ZFAT: variants seen among roughly 807,000 people sequenced by gnomAD.
ZFAT encodes the protein zinc finger and AT-hook domain containing.
ZFAT carries 64 observed loss-of-function variants against 117.7 expected under a neutral mutation model. The observed-to-expected ratio is 0.54, with a 90% CI of 0.44 to 0.67. ZFAT has a LOEUF of 0.67. Among genes scored for constraint, ZFAT ranks in the 30% least tolerant of loss-of-function variants. The pLI is 0.00. For synonymous variants in ZFAT, 679 were observed against 615.0 expected, an observed-to-expected ratio of 1.10 and a Z score of -1.54; for missense variants, 1,433 against 1,584.5, an observed-to-expected ratio of 0.90 and a Z score of 1.62.
chr8:134,612,411 C>A (rs1328766557), intron 3 of ZFAT, among the ~76,000 whole-genome samples: 2 of 152,132 alleles, frequency 1.3e-5, no homozygotes, highest in South Asian at 4.1e-4. Context: ...AAGCCAGTAC[C>A]CCAAGTAATT....
intron 15 of ZFAT, among the ~76,000 whole-genome samples, chr8:134,482,767 T>A (rs1817404373): frequency 6.6e-6 from 1 of 152,176 alleles, no homozygotes; most frequent in South Asian, 2.1e-4. Flanking sequence ...ATGGAGGCAA[T>A]GGTGATGTGT....
chr8:134,626,463 C>G (rs1829513547), intron 3 of ZFAT, among the ~76,000 whole-genome samples: 1 of 152,222 alleles, frequency 6.6e-6, no homozygotes, highest in Non-Finnish European at 1.5e-5. Flanking sequence ...TGCCCTGCCC[C>G]AGTGGTCGAA....
rs1470196010 is a variant in ZFAT at position 134,683,242 on chromosome 8, G to A, written c.20-25505C>T. Among the ~76,000 whole-genome samples the A allele has an allele frequency of 2.6e-5, 4 of 152,188 alleles. No individual in the cohort carries two copies. The East Asian group carries it at 5.8e-4, about 22-fold the overall frequency. On this transcript the variant is annotated intron_variant, in intron 1 of 15. Transcript: ENST00000377838. ...GTAACCTGCACAGCTGTACACAGTA[G>A]CTCTGCTAATGTGTCAGACACAAAG...
At chr8:134,719,920 T>G in the ZFAT span, among the ~76,000 whole-genome samples, 1 of 152,210 alleles carries the variant, frequency 6.6e-6, no homozygotes, top group East Asian at 1.9e-4. Context: ...CTATGCCTCC[T>G]TGTAATCATG....
At chr8:134,703,833 T>C (rs1038786788) in intron 1 of ZFAT, among the ~76,000 whole-genome samples, 1 of 151,958 alleles carries the variant, frequency 6.6e-6, no homozygotes, top group Non-Finnish European at 1.5e-5. Flanking sequence ...TTAAAAGTGA[T>C]AAAATGTTCA....
chr8:134,484,680 CA>C (rs1371429695), intron 15 of ZFAT, among the ~76,000 whole-genome samples: 1 of 152,218 alleles, frequency 6.6e-6, no homozygotes, highest in African/African-American at 2.4e-5. Context: ...CACACCAAGC[CA>C]CACAGCACTT....
chr8:134,572,854 C>T (rs1460204834), intron 10 of ZFAT, among the ~76,000 whole-genome samples: 1 of 151,042 alleles, frequency 6.6e-6, no homozygotes, highest in Admixed American at 6.6e-5. Flanking sequence ...TCAGAAATTG[C>T]AGAATTTAGA....
chr8:134,744,036 C>T, the ZFAT span, among the ~76,000 whole-genome samples: 1 of 152,186 alleles, frequency 6.6e-6, no homozygotes, highest in African/African-American at 2.4e-5. Flanking sequence ...TTAGTGACTG[C>T]AAGCTACACA....
intron 11 of ZFAT, among the ~76,000 whole-genome samples, chr8:134,547,650 C>A (rs1822798539): frequency 6.6e-6 from 1 of 152,240 alleles, no homozygotes; most frequent in South Asian, 2.1e-4. Flanking sequence ...ACAGGAATCT[C>A]CACTGAGGCT....
intron 1 of ZFAT, among the ~76,000 whole-genome samples, chr8:134,708,878 G>C (rs34263466): frequency 0.13 from 19,046 of 152,244 alleles, 1,297 homozygotes; most frequent in Non-Finnish European, 0.16. Flanking sequence ...CTTGAGCCCA[G>C]AAGGCAGAGG....
At chr8:134,532,390 T>A (rs1413444654) in intron 12 of ZFAT, among the ~76,000 whole-genome samples, 1 of 152,240 alleles carries the variant, frequency 6.6e-6, no homozygotes, top group African/African-American at 2.4e-5. Flanking sequence ...ATTGTTAGTG[T>A]TTCCATTTAA....
At chr8:134,533,184 G>A (rs1268987582) in intron 11 of ZFAT, among the ~76,000 whole-genome samples, 1 of 152,218 alleles carries the variant, frequency 6.6e-6, no homozygotes, top group Non-Finnish European at 1.5e-5. Flanking sequence ...GTGCCCCAGA[G>A]GAGGAGCTGT....
intron 1 of ZFAT, among the ~76,000 whole-genome samples, chr8:134,675,081 G>A (rs1425876348): frequency 6.6e-6 from 1 of 152,234 alleles, no homozygotes; most frequent in African/African-American, 2.4e-5. Flanking sequence ...CGCCAGCGAG[G>A]GGACAAAGCT....
chr8:134,497,229 G>C (rs986962726), intron 15 of ZFAT, among the ~76,000 whole-genome samples: 7 of 152,250 alleles, frequency 4.6e-5, no homozygotes, highest in Admixed American at 4.6e-4. Context: ...GGATTTTAAA[G>C]TAAGGGTTGC....
At chr8:134,811,672 C>T in the ZFAT span, among the ~76,000 whole-genome samples, 2 of 152,146 alleles carry the variant, frequency 1.3e-5, no homozygotes, top group Non-Finnish European at 2.9e-5. Flanking sequence ...TGAACTCCAA[C>T]CCTAGAGCAC....
At chr8:134,490,191 G>GA (rs1289141486) in intron 15 of ZFAT, among the ~76,000 whole-genome samples, 2 of 152,216 alleles carry the variant, frequency 1.3e-5, no homozygotes, top group African/African-American at 4.8e-5. Flanking sequence ...ACATAGATGG[G>GA]AGACACAGAA....
In ZFAT at chr8:134,707,556, C is replaced by T. The variant is rs535939053; in HGVS notation, c.19+5289G>A. Reference sequence around the variant, plus strand: ...ACACTAAGAAAGAAGCCAGTTAGAGCCCTACAAGAAGTCTTGGGGCTGAAT... The same window carrying T: ...ACACTAAGAAAGAAGCCAGTTAGAGTCCTACAAGAAGTCTTGGGGCTGAAT... On this transcript the variant is annotated intron_variant, in intron 1 of 15. Transcript: ENST00000377838. Among the ~76,000 whole-genome samples the T allele has an allele frequency of 1.1e-4, 16 of 151,138 alleles. No homozygotes were observed. The South Asian group carries it at 3.3e-3, about 32-fold the overall frequency.
At chr8:134,745,245 A>G in the ZFAT span, among the ~76,000 whole-genome samples, 1 of 152,192 alleles carries the variant, frequency 6.6e-6, no homozygotes, top group African/African-American at 2.4e-5. Context: ...GGAGCCTGGA[A>G]TTCTGTCTAC....
the ZFAT span, among the ~76,000 whole-genome samples, chr8:134,830,026 T>G: frequency 6.6e-6 from 1 of 152,310 alleles, no homozygotes; most frequent in Admixed American, 6.5e-5. Flanking sequence ...CAAATCACTT[T>G]CCCATGTGTT....
Sources: gnomAD v4.1 joint callset for allele counts (sites outside exome capture counted in the v4.1 genomes callset) on GRCh38, gnomAD v4.1.1 for gene constraint, MANE v1.5 for transcripts, NCBI Gene and HGNC (gene_info 2026-07-23, HGNC 2026-07-21) for gene names.